The following RGS6 variants were observed in gnomAD, a reference collection of about 807,000 sequenced individuals.
RGS6 encodes the protein regulator of G-protein signaling 6.
A neutral mutation model predicts 78.5 loss-of-function variants in RGS6; 30 were observed. The ratio of observed to expected loss-of-function variants is 0.38; its 90% CI spans 0.29 to 0.52. The LOEUF (loss-of-function observed/expected upper bound fraction) is 0.52, where lower values mean the gene tolerates loss of function less well. RGS6 is among the 20% of genes least tolerant of loss of function. The probability of loss-of-function intolerance (pLI) is 0.85; values close to 1 mark genes in which losing one functional copy is unlikely to be tolerated. For synonymous variants in RGS6, 206 were observed against 206.0 expected (o/e 1.00, Z 0.00); for missense variants, 495 against 609.7 (o/e 0.81, Z 1.98).
intron 2 of RGS6, among the ~76,000 whole-genome samples, chr14:72,096,444 C>T (rs1415471587): frequency 1.3e-5 from 2 of 152,132 alleles, no homozygotes; most frequent in Non-Finnish European, 2.9e-5. Context: ...AACAACAAAA[C>T]CTCAATTGGG....
downstream of RGS6, among the ~76,000 whole-genome samples, chr14:72,568,195 GC>G (rs2097716178): frequency 6.6e-6 from 1 of 152,172 alleles, no homozygotes. Flanking sequence ...TGAGTGCAGA[GC>G]CCCAGAGCCA....
At position 72,060,510 on chromosome 14, in the gene RGS6, A is replaced by G. The variant is rs1206986785; in HGVS notation, c.84+95635A>G. Among the ~76,000 whole-genome samples the G allele has an allele frequency of 2.0e-5, 3 of 151,938 alleles. No homozygotes were observed. The East Asian group carries it at 5.8e-4, about 29-fold the overall frequency. On this transcript the variant is annotated intron_variant, in intron 2 of 17. Transcript: ENST00000553525. Reference sequence around the variant, plus strand: ...TAGTCTACCGTATACAAATTTCTGTATAGTTACCAATGTCTTTTTAGCTAT... The same window carrying G: ...TAGTCTACCGTATACAAATTTCTGTGTAGTTACCAATGTCTTTTTAGCTAT...
At chr14:71,913,068 C>A in the RGS6 span, among the ~76,000 whole-genome samples, 1 of 152,216 alleles carries the variant, frequency 6.6e-6, no homozygotes, top group East Asian at 1.9e-4. Flanking sequence ...ACCTCATGAT[C>A]CACCTGTCTC....
intron 2 of RGS6, among the ~76,000 whole-genome samples, chr14:72,212,359 G>A (rs2044390418): frequency 6.6e-6 from 1 of 152,202 alleles, no homozygotes; most frequent in South Asian, 2.1e-4. Context: ...TGACCTTGCT[G>A]AATTGCCTGT....
chr14:72,550,581 G>T lies in RGS6; in HGVS notation c.1422+10487G>T. ...AACCTTGTAATCTTCTGCAGCAAAA[G>T]TGGTGGGGGAATTCTGATACGTGCT... On this transcript the variant is annotated intron_variant, in intron 17 of 17. Transcript: ENST00000553525. 3 of 1,535,414 alleles carry T rather than the reference G, an allele frequency of 2.0e-6. No individual in the cohort carries two copies. In the South Asian group the frequency reaches 3.6e-5, roughly 18 times the overall value.
rs543760687 is a variant in RGS6 at position 72,162,829 on chromosome 14, C to T, written c.85-189266C>T. Among the ~76,000 whole-genome samples, 12 of 152,050 alleles carry T rather than the reference C, an allele frequency of 7.9e-5. No individual in the cohort carries two copies. The South Asian group carries it at 2.3e-3, about 29-fold the overall frequency. ...ACACACACACATATATATACATATA[C>T]ATATGTGTGTATATATATATGATGG... On this transcript the variant is annotated intron_variant, in intron 2 of 17. Transcript: ENST00000553525.
At chr14:72,343,542 T>A (rs1355578447) in intron 2 of RGS6, among the ~76,000 whole-genome samples, 3 of 152,246 alleles carry the variant, frequency 2.0e-5, no homozygotes, top group Non-Finnish European at 4.4e-5. Context: ...TATTCACAGA[T>A]TCCAGGGATT....
chr14:72,395,101 C>T (rs946914237), intron 3 of RGS6, among the ~76,000 whole-genome samples: 3 of 152,152 alleles, frequency 2.0e-5, no homozygotes, highest in Non-Finnish European at 2.9e-5. Flanking sequence ...GATATTCTGG[C>T]ATCTACTTTC....
At chr14:72,015,189 AC>A (rs572988035) in intron 2 of RGS6, among the ~76,000 whole-genome samples, 14 of 152,322 alleles carry the variant, frequency 9.2e-5, no homozygotes, top group Non-Finnish European at 2.1e-4. Flanking sequence ...GTGAGGGGAA[AC>A]CAGTGTGAGC....
At chr14:72,018,260 T>A (rs1372251760) in intron 2 of RGS6, among the ~76,000 whole-genome samples, 1 of 152,230 alleles carries the variant, frequency 6.6e-6, no homozygotes, top group Non-Finnish European at 1.5e-5. Context: ...TTTTGGCATC[T>A]GATTATTTTT....
At position 72,052,679 on chromosome 14, in the gene RGS6, G is replaced by A. The variant is rs531555869; in HGVS notation, c.84+87804G>A. Among the ~76,000 whole-genome samples, 4 of 152,252 alleles carry A rather than the reference G, an allele frequency of 2.6e-5. No individual in the cohort carries two copies. In the East Asian group the frequency reaches 7.7e-4, roughly 29 times the overall value. On this transcript the variant is annotated intron_variant, in intron 2 of 17. Transcript: ENST00000553525. ...AATTTTTTAATGCCACTATATGGCA[G>A]TGATTAAATAGCAAGTTCAAGTGAT...
At chr14:71,911,678 ACT>A in the RGS6 span, among the ~76,000 whole-genome samples, 1 of 152,144 alleles carries the variant, frequency 6.6e-6, no homozygotes, top group South Asian at 2.1e-4. Context: ...CAGACCAAAG[ACT>A]CTACTTGTCA....
In RGS6 at chr14:72,372,965, G is replaced by A. The variant is rs188838782; in HGVS notation, c.184+20771G>A. On this transcript the variant is annotated intron_variant, in intron 3 of 17. Transcript: ENST00000553525. ...CCAAAAGGCAAATAGGGCCCATATTGTAGTGTGATGCTTAAGGAGAAATAT... is the reference window on the plus strand; with the variant it reads ...CCAAAAGGCAAATAGGGCCCATATTATAGTGTGATGCTTAAGGAGAAATAT... Among the ~76,000 whole-genome samples the A allele has an allele frequency of 3.3e-5, 5 of 152,284 alleles. No homozygotes were observed. In the East Asian group the frequency reaches 5.8e-4, roughly 18 times the overall value.
chr14:72,286,416 G>A (rs182433986), intron 2 of RGS6, among the ~76,000 whole-genome samples: 1 of 152,184 alleles, frequency 6.6e-6, no homozygotes, highest in East Asian at 1.9e-4. Flanking sequence ...CTCTAGGTTC[G>A]TTATATATTT....
Position 72,522,534 on chromosome 14 carries a change from A to G in RGS6, c.1278+3997A>G, listed in dbSNP as rs189007479. Among the ~76,000 whole-genome samples, 6 of 152,374 alleles carry G rather than the reference A, an allele frequency of 3.9e-5. No individual in the cohort carries two copies. In the East Asian group the frequency reaches 9.6e-4, roughly 24 times the overall value. On this transcript the variant is annotated intron_variant, in intron 15 of 17. Coordinates refer to ENST00000553525, the MANE Select transcript of RGS6 (RefSeq NM_001204424.2). ...GCAGGCTTTGTGAGTCATGTGGTCT[A>G]TGTCACAACTATTCGATTCTGCATA...
At chr14:72,438,282 C>T (rs145238145) in intron 3 of RGS6, among the ~76,000 whole-genome samples, 1,601 of 152,220 alleles carry the variant, frequency 0.011, 19 homozygotes, top group Non-Finnish European at 0.011. Flanking sequence ...GCCTTGGTTC[C>T]GAGCCCCTCT....
chr14:72,232,454 C>G (rs763227560), intron 2 of RGS6, among the ~76,000 whole-genome samples: 2 of 152,072 alleles, frequency 1.3e-5, no homozygotes, highest in East Asian at 3.9e-4. Context: ...CTAATATCCA[C>G]GTAACTCAGT....
the RGS6 span, among the ~76,000 whole-genome samples, chr14:71,875,232 T>C: frequency 1.3e-5 from 2 of 152,150 alleles, no homozygotes; most frequent in African/African-American, 2.4e-5. Context: ...CCAGCTCCTC[T>C]TTGTACCTCT....
At chr14:72,541,567 T>C (rs2097327551) in intron 17 of RGS6, 1 of 1,535,710 alleles carries the variant, frequency 6.5e-7, no homozygotes, top group East Asian at 2.4e-5. Flanking sequence ...TGCCACGGGC[T>C]GTCAGAGTCA....
Sources: allele counts gnomAD v4.1 joint callset (sites outside exome capture counted in the v4.1 genomes callset), GRCh38; gene constraint gnomAD v4.1.1; transcripts MANE v1.5; gene names NCBI Gene and HGNC (gene_info 2026-07-23, HGNC 2026-07-21).